The following ST7L variants were observed in gnomAD, a reference collection of about 807,000 sequenced individuals.
ST7L encodes the protein suppressor of tumorigenicity 7 protein-like.
A neutral mutation model predicts 72.5 loss-of-function variants in ST7L; 57 were observed. The observed-to-expected ratio is 0.79, with a 90% CI of 0.64 to 0.98. ST7L has a LOEUF of 0.98. Among genes scored for constraint, ST7L ranks in the 50% least tolerant of loss-of-function variants. ST7L has a pLI of 0.00. For missense variants in ST7L, 576 were observed against 672.2 expected (o/e 0.86, Z 1.58); for synonymous variants, 221 against 240.9 (o/e 0.92, Z 0.77).
At chr1:112,558,818 TA>T (rs1056568679) in intron 11 of ST7L, among the ~76,000 whole-genome samples, 15 of 152,144 alleles carry the variant, frequency 9.9e-5, no homozygotes, top group African/African-American at 3.4e-4. Flanking sequence ...CCATTTTTTT[TA>T]AAACACAGTA....
chr1:112,530,943 C>A (rs1375729464), intron 14 of ST7L, among the ~76,000 whole-genome samples: 1 of 152,146 alleles, frequency 6.6e-6, no homozygotes, highest in Non-Finnish European at 1.5e-5. Context: ...TATTTTAGTG[C>A]CTTATCCCAA....
At chr1:112,571,100 G>A (rs1233051290) in intron 11 of ST7L, among the ~76,000 whole-genome samples, 1 of 152,128 alleles carries the variant, frequency 6.6e-6, no homozygotes, top group Admixed American at 6.5e-5. Context: ...AACCCGGGAG[G>A]TGAAGGTTGC....
intron 14 of ST7L, chr1:112,529,796 A>G (rs866416867): frequency 1.4e-4 from 21 of 151,940 alleles, no homozygotes; most frequent in African/African-American, 4.8e-4. Context: ...ATTATTTTCA[A>G]CCAAGTTCTA....
chr1:112,584,130 T>C lies in ST7L; in HGVS notation c.702-4A>G. ...TAGAACATATGCAGTGGCACAGCTA[T>C]GAAGAAAGCAAGAAGGCAATTTTAA... On this transcript the variant is annotated splice_polypyrimidine_tract_variant and splice_region_variant and intron_variant, in intron 6 of 14. Coordinates refer to ENST00000358039, the MANE Select transcript of ST7L (RefSeq NM_017744.5). 6.2e-7 allele frequency: 1 copy of C among 1,608,828 alleles called. No homozygotes were observed. The highest frequency in any genetic ancestry group is 8.5e-7 in the Non-Finnish European group (1 of 1,178,586).
chr1:112,542,901 G>A (rs769758173), intron 13 of ST7L, among the ~76,000 whole-genome samples: 2 of 152,054 alleles, frequency 1.3e-5, no homozygotes, highest in Non-Finnish European at 2.9e-5. Context: ...CCAGGTTCAA[G>A]TGACTCTTGT....
chr1:112,599,302 C>A (rs1667049752), intron 4 of ST7L, among the ~76,000 whole-genome samples: 1 of 151,666 alleles, frequency 6.6e-6, no homozygotes, highest in Non-Finnish European at 1.5e-5. Context: ...TTCATAAAAG[C>A]CTGGCTTTCA....
chr1:112,542,361 GA>G (rs893520805), intron 13 of ST7L, among the ~76,000 whole-genome samples: 7 of 151,910 alleles, frequency 4.6e-5, no homozygotes, highest in African/African-American at 1.5e-4. Context: ...AGGTGATTTT[GA>G]AAAAAAGCTT....
chr1:112,562,787 A>G (rs2101672711), intron 11 of ST7L, among the ~76,000 whole-genome samples: 1 of 152,316 alleles, frequency 6.6e-6, no homozygotes, highest in Middle Eastern at 3.4e-3. Flanking sequence ...GAACAAGCAG[A>G]GGTCTTTTAA....
rs1170449351 is a variant in ST7L at position 112,599,099 on chromosome 1, T to A, written c.507-1013A>T. Among the ~76,000 whole-genome samples, 65 of 81,648 alleles carry A rather than the reference T, an allele frequency of 8.0e-4. 5 individuals are homozygous for A. The highest frequency in any genetic ancestry group is 4.1e-3 in the East Asian group (11 of 2,710). The allele number at this position is 81,648 out of a possible 152,430, so 53.6% of individuals were successfully genotyped here. A position where few individuals can be genotyped will look rare whatever the true frequency, so the allele number is the denominator to read the frequency against. ...ATATATATATATATATATATATATA[T>A]ATATATATATATGTGGATGTGTGTG... On this transcript the variant is annotated intron_variant, in intron 4 of 14. Transcript: ENST00000358039.
chr1:112,584,354 T>TAA (rs1380277678), intron 6 of ST7L, among the ~76,000 whole-genome samples: 1 of 143,732 alleles, frequency 7.0e-6, no homozygotes, highest in Non-Finnish European at 1.6e-5. Flanking sequence ...TCTTTGTTTT[T>TAA]TAAAAAAAAA....
intron 14 of ST7L, 115 bp from the exon 15 acceptor site, chr1:112,526,226 A>T: frequency 1.4e-6 from 2 of 1,424,710 alleles, no homozygotes; most frequent in Non-Finnish European, 1.9e-6. Context: ...CCTGAACCTT[A>T]TCAACCAATG....
chr1:112,565,472 T>C (rs945255491), intron 11 of ST7L, among the ~76,000 whole-genome samples: 1 of 152,232 alleles, frequency 6.6e-6, no homozygotes, highest in African/African-American at 2.4e-5. Context: ...TGTTTCTTAC[T>C]GCTCTACTTT....
At chr1:112,548,176 G>A (rs1401036605) in intron 13 of ST7L, among the ~76,000 whole-genome samples, 1 of 152,028 alleles carries the variant, frequency 6.6e-6, no homozygotes, top group African/African-American at 2.4e-5. Flanking sequence ...CCACCATGGT[G>A]AAACCCTGTC....
intron 2 of ST7L, 74 bp from the exon 3 acceptor site, chr1:112,611,077 C>A: frequency 1.4e-6 from 2 of 1,461,484 alleles, no homozygotes; most frequent in Non-Finnish European, 1.9e-6. Context: ...AACATTCTCT[C>A]AAGATGTCCT....
downstream of ST7L, among the ~76,000 whole-genome samples, chr1:112,519,218 C>T (rs1652722739): frequency 6.6e-6 from 1 of 152,154 alleles, no homozygotes; most frequent in South Asian, 2.1e-4. Context: ...GAGCATATAT[C>T]TCCATTATAT....
chr1:112,562,871 G>A (rs1008637313), intron 11 of ST7L, among the ~76,000 whole-genome samples: 6 of 152,056 alleles, frequency 3.9e-5, no homozygotes, highest in Admixed American at 2.0e-4. Context: ...GATGAGTGAG[G>A]AATCTGTTTT....
chr1:112,612,136 C>G (rs1463416110), intron 2 of ST7L, among the ~76,000 whole-genome samples: 1 of 152,082 alleles, frequency 6.6e-6, no homozygotes, highest in Non-Finnish European at 1.5e-5. Context: ...ATCCCACTGT[C>G]ACCAGGCTGG....
At chr1:112,565,031 T>C (rs1660751383) in intron 11 of ST7L, among the ~76,000 whole-genome samples, 2 of 150,990 alleles carry the variant, frequency 1.3e-5, no homozygotes, top group South Asian at 4.2e-4. Context: ...AAATAAGAAA[T>C]AGTAATTTTT....
In ST7L at chr1:112,610,972, C is replaced by T. The variant is rs1668985279; in HGVS notation, c.320G>A (p.Gly107Asp). The change falls in exon 3 of 15, where the codon GGC (glycine) becomes GAC (aspartate). Residue 107 changes from glycine to aspartate, a missense_variant. Transcript: ENST00000358039. ...IFEWWYFHKH[G>D]TSFIEQVSVS... is the part of the protein sequence containing the mutation. The stretch of plus-strand genomic sequence containing the variant: ...AGATACTTGCTCAATAAAAGATGTG[C>T]CATGCTTATGGAAGTACCACCATTC... 1 of 1,614,112 alleles carries T rather than the reference C, an allele frequency of 6.2e-7. No homozygotes were observed. Among genetic ancestry groups the T allele is most frequent in the Non-Finnish European group, 8.5e-7 (1 of 1,180,020 alleles).
Sources: allele counts gnomAD v4.1 joint callset (sites outside exome capture counted in the v4.1 genomes callset), GRCh38; gene constraint gnomAD v4.1.1; transcripts MANE v1.5; gene names NCBI Gene and HGNC (gene_info 2026-07-23, HGNC 2026-07-21).